Variants in OCA2 observed in about 807,000 individuals in gnomAD.
OCA2 encodes the protein P protein.
Under a neutral mutation model 100.2 loss-of-function variants are expected in OCA2, and 77 were observed. The ratio of observed to expected loss-of-function variants is 0.77; its 90% confidence interval spans 0.64 to 0.93. OCA2 has a LOEUF of 0.93. Ranked by LOEUF, OCA2 falls within the 40% of genes least tolerant of loss-of-function variation. OCA2 has a pLI of 0.00. For synonymous variants in OCA2, 432 were observed against 439.2 expected (o/e 0.98, Z 0.21); for missense variants, 1,062 against 1,089.1 (o/e 0.98, Z 0.35).
chr15:27,745,745 C>T, the OCA2 span, among the ~76,000 whole-genome samples: 1 of 152,186 alleles, frequency 6.6e-6, no homozygotes, highest in East Asian at 1.9e-4. Flanking sequence ...GAATAGGAAA[C>T]ATTTGCCATC....
At chr15:27,780,718 C>G (rs1249616147) in intron 23 of OCA2, among the ~76,000 whole-genome samples, 1 of 152,156 alleles carries the variant, frequency 6.6e-6, no homozygotes, top group African/African-American at 2.4e-5. Flanking sequence ...TGAGTTGGAC[C>G]TGGAAACCCT....
intron 19 of OCA2, among the ~76,000 whole-genome samples, chr15:27,910,654 A>T (rs1400427085): frequency 2.2e-5 from 3 of 137,718 alleles, no homozygotes; most frequent in Admixed American, 7.6e-5. Context: ...GTGCTTATTT[A>T]TGTTAAAAAA....
intron 19 of OCA2, among the ~76,000 whole-genome samples, chr15:27,907,556 C>G (rs1372986521): frequency 6.6e-6 from 1 of 151,916 alleles, no homozygotes; most frequent in Non-Finnish European, 1.5e-5. Context: ...TATTAATTAA[C>G]CAACTCCCAG....
intron 23 of OCA2, among the ~76,000 whole-genome samples, chr15:27,830,032 A>C (rs1358208381): frequency 6.6e-6 from 1 of 152,236 alleles, no homozygotes; most frequent in Non-Finnish European, 1.5e-5. Context: ...CAAAATAATA[A>C]TTGGCTTTTT....
chr15:28,018,298 G>C (rs1056213536), intron 7 of OCA2, 99 bp downstream of exon 7: 46 of 1,148,216 alleles, frequency 4.0e-5, no homozygotes, highest in Non-Finnish European at 5.6e-5. Flanking sequence ...TGGTGTCCTC[G>C]CCTGTGGCTC....
chr15:27,976,464 A>C (rs2040968013), intron 14 of OCA2, among the ~76,000 whole-genome samples: 1 of 152,148 alleles, frequency 6.6e-6, no homozygotes, highest in Admixed American at 6.5e-5. Context: ...TTTATCAGTA[A>C]TAGATATCGG....
intron 18 of OCA2, among the ~76,000 whole-genome samples, chr15:27,950,214 C>T (rs2039983475): frequency 6.6e-6 from 1 of 152,130 alleles, no homozygotes; most frequent in East Asian, 1.9e-4. Flanking sequence ...TGCTATGTTC[C>T]TCTAAAGTAG....
At chr15:27,769,717 T>C (rs2031564012) in intron 23 of OCA2, among the ~76,000 whole-genome samples, 1 of 152,260 alleles carries the variant, frequency 6.6e-6, no homozygotes, top group Non-Finnish European at 1.5e-5. Flanking sequence ...GTCGCCCTTC[T>C]ACAAAGGTAA....
At chr15:27,872,645 T>C (rs968030153) in intron 19 of OCA2, among the ~76,000 whole-genome samples, 2 of 152,130 alleles carry the variant, frequency 1.3e-5, no homozygotes, top group African/African-American at 2.4e-5. Flanking sequence ...AGACTGCAAA[T>C]ATTGGAAACA....
chr15:27,945,033 A>C (rs570627696), intron 18 of OCA2, among the ~76,000 whole-genome samples: 2 of 152,208 alleles, frequency 1.3e-5, no homozygotes, highest in Non-Finnish European at 2.9e-5. Context: ...ACTAGCCCCA[A>C]TCAACCCCTA....
intron 5 of OCA2, 77 bp from the exon 6 acceptor site, chr15:28,022,650 G>A (rs1336194094): frequency 3.9e-5 from 42 of 1,068,244 alleles, no homozygotes; most frequent in African/African-American, 1.4e-4. Flanking sequence ...GATAACAGTC[G>A]AAAACAGATG....
rs2033339527 is a variant in OCA2, at chr15:27,796,463, G to C, written c.2433-40991C>G. On this transcript the variant is annotated intron_variant, in intron 23 of 23. Coordinates refer to ENST00000354638, the MANE Select transcript of OCA2 (RefSeq NM_000275.3). The stretch of plus-strand genomic sequence containing the variant: ...TGCTGGGCACTCAGCATCATGCCAG[G>C]CAGGGCAGGTACTCAGCGAGTGCTG... Among the ~76,000 whole-genome samples, 3 of 152,260 alleles carry C rather than the reference G, an allele frequency of 2.0e-5. No homozygotes were observed. In the South Asian group the frequency reaches 6.2e-4, roughly 31 times the overall value.
chr15:27,870,806 A>G (rs867664986), intron 21 of OCA2, among the ~76,000 whole-genome samples: 8 of 90,078 alleles, frequency 8.9e-5, no homozygotes, highest in African/African-American at 3.4e-4. Flanking sequence ...GAAAGAAAGA[A>G]AGAAAGAGAG....
intron 11 of OCA2, among the ~76,000 whole-genome samples, chr15:27,987,756 A>G (rs1209265546): frequency 1.3e-5 from 2 of 152,096 alleles, no homozygotes; most frequent in Non-Finnish European, 2.9e-5. Flanking sequence ...TTGAACAAAA[A>G]TATGAATTAA....
chr15:27,873,034 T>C (rs1315299092), intron 19 of OCA2, among the ~76,000 whole-genome samples: 1 of 152,182 alleles, frequency 6.6e-6, no homozygotes, highest in Non-Finnish European at 1.5e-5. Context: ...AATCTGCATG[T>C]ACAGTTGTTA....
chr15:28,065,714 G>A (rs868031978), intron 2 of OCA2, among the ~76,000 whole-genome samples: 23 of 151,972 alleles, frequency 1.5e-4, no homozygotes, highest in African/African-American at 5.3e-4. Flanking sequence ...ATAAATTAGG[G>A]GGAAACTGTC....
intron 23 of OCA2, among the ~76,000 whole-genome samples, chr15:27,821,422 A>G (rs1449407237): frequency 6.6e-6 from 1 of 152,220 alleles, no homozygotes; most frequent in Non-Finnish European, 1.5e-5. Context: ...ATACATGAAC[A>G]TATACACGTG....
intron 2 of OCA2, among the ~76,000 whole-genome samples, chr15:28,076,674 C>CGTCTCTACTAAAAA (rs1282994123): frequency 2.0e-5 from 3 of 150,804 alleles, no homozygotes; most frequent in Non-Finnish European, 4.4e-5. Context: ...GGTGAAACCC[C>CGTCTCTACTAAAAA]GTCTCTACTA....
At chr15:27,860,919 C>G (rs1333669049) in intron 21 of OCA2, among the ~76,000 whole-genome samples, 2 of 152,200 alleles carry the variant, frequency 1.3e-5, no homozygotes, top group African/African-American at 4.8e-5. Context: ...GAAGCAGCAG[C>G]CAGGCCTAGG....
Sources: gnomAD v4.1 joint callset for allele counts (sites outside exome capture counted in the v4.1 genomes callset) on GRCh38, gnomAD v4.1.1 for gene constraint, MANE v1.5 for transcripts, NCBI Gene and HGNC (gene_info 2026-07-23, HGNC 2026-07-21) for gene names.